The following PCSK2 variants were observed in gnomAD, a reference collection of about 807,000 sequenced individuals.
PCSK2 encodes neuroendocrine convertase 2.
Under a neutral mutation model 69.7 loss-of-function variants are expected in PCSK2, and 14 were observed. That is an observed-to-expected ratio of 0.20 (90% CI 0.13 to 0.31). The LOEUF is 0.31. Ranked by LOEUF, PCSK2 falls within the 10% of genes least tolerant of loss-of-function variation. The pLI is 1.00. For missense variants in PCSK2, 544 were observed against 842.5 expected, an observed-to-expected ratio of 0.65 and a Z score of 4.39; for synonymous variants, 307 against 320.7, an observed-to-expected ratio of 0.96 and a Z score of 0.46.
chr20:17,453,330 G>A lies in PCSK2; in HGVS notation c.886-412G>A, dbSNP rs1396821699. On this transcript the variant is annotated intron_variant, in intron 8 of 11. Coordinates refer to ENST00000262545, the MANE Select transcript of PCSK2 (RefSeq NM_002594.5). The surrounding 1 kb of genome is among the most constrained non-coding windows in gnomAD (Gnocchi z 4.0). ...TATACTTGCATTTTCACTAAAAAAT[G>A]TCTGATACATAAAGAGATGTAAGAA... Among the ~76,000 whole-genome samples, 2 of 152,138 alleles carry A rather than the reference G, an allele frequency of 1.3e-5. No individual in the cohort carries two copies. The highest frequency in any genetic ancestry group is 2.9e-5 in the Non-Finnish European group (2 of 68,016).
intron 6 of PCSK2, among the ~76,000 whole-genome samples, chr20:17,411,834 C>T (rs2031881501): frequency 6.6e-6 from 1 of 152,228 alleles, no homozygotes; most frequent in Non-Finnish European, 1.5e-5. Flanking sequence ...GATCAGGCAG[C>T]AATATTTGCT....
In PCSK2 at chr20:17,331,774, A is replaced by G. The variant is rs116591977; in HGVS notation, c.283-26553A>G. On this transcript the variant is annotated intron_variant, in intron 2 of 11. Transcript: ENST00000262545. The stretch of plus-strand genomic sequence containing the variant: ...CCCATCATCTCGTGTGATTAAAAAA[A>G]AAAAAACCTCTGAGGTTGGCAGAAG... Among the ~76,000 whole-genome samples the G allele has an allele frequency of 5.3e-3, 814 of 152,230 alleles. 8 individuals carry two copies. The highest frequency in any genetic ancestry group is 0.018 in the African/African-American group (765 of 41,542).
At chr20:17,232,356 T>C (rs1051768763) in intron 1 of PCSK2, among the ~76,000 whole-genome samples, 5 of 152,220 alleles carry the variant, frequency 3.3e-5, no homozygotes, top group South Asian at 4.1e-4. Flanking sequence ...TTTACATCTG[T>C]TTTCTTTTAG....
At chr20:17,422,719 C>T (rs1297528757) in intron 6 of PCSK2, among the ~76,000 whole-genome samples, 3 of 151,898 alleles carry the variant, frequency 2.0e-5, no homozygotes, top group Non-Finnish European at 2.9e-5. Flanking sequence ...GAAGCTTTGC[C>T]GACCGGATAC....
chr20:17,276,781 C>T (rs1022289980), intron 2 of PCSK2, among the ~76,000 whole-genome samples: 1 of 152,098 alleles, frequency 6.6e-6, no homozygotes, highest in Admixed American at 6.6e-5. Context: ...TCAAATTGTC[C>T]CTGTTTGCAG....
At chr20:17,459,153 T>C (rs1016957622) in intron 10 of PCSK2, among the ~76,000 whole-genome samples, 2 of 152,174 alleles carry the variant, frequency 1.3e-5, no homozygotes, top group South Asian at 2.1e-4. Flanking sequence ...ATTCATTAGG[T>C]GTGGCTCCAT....
intron 2 of PCSK2, among the ~76,000 whole-genome samples, chr20:17,341,586 G>A (rs917719393): frequency 5.3e-5 from 8 of 152,108 alleles, no homozygotes; most frequent in Admixed American, 1.3e-4. Context: ...CTATTCAGCC[G>A]CACTGAATAG....
intron 5 of PCSK2, among the ~76,000 whole-genome samples, chr20:17,402,839 C>T (rs1447336054): frequency 6.6e-6 from 1 of 152,074 alleles, no homozygotes; most frequent in Non-Finnish European, 1.5e-5. Context: ...CTCCTGTAGT[C>T]CCAGCTACTC....
intron 11 of PCSK2, among the ~76,000 whole-genome samples, chr20:17,468,574 G>A (rs974358008): frequency 2.7e-4 from 38 of 140,592 alleles, no homozygotes; most frequent in Non-Finnish European, 4.8e-4. Context: ...GCGTCCTGCT[G>A]TAGACGGGCA....
intron 6 of PCSK2, among the ~76,000 whole-genome samples, chr20:17,413,271 T>G (rs1310299489): frequency 2.6e-5 from 4 of 152,198 alleles, no homozygotes; most frequent in African/African-American, 9.7e-5. Flanking sequence ...ATCAGTGTGC[T>G]GTATTCAGGA....
chr20:17,467,064 G>A (rs1362884966), intron 11 of PCSK2, among the ~76,000 whole-genome samples: 1 of 152,088 alleles, frequency 6.6e-6, no homozygotes, highest in African/African-American at 2.4e-5. Context: ...GAGGACCATC[G>A]AGCCTGGCCA....
chr20:17,476,935 C>T (rs2033301115), intron 11 of PCSK2, among the ~76,000 whole-genome samples: 1 of 152,214 alleles, frequency 6.6e-6, no homozygotes, highest in Non-Finnish European at 1.5e-5. Context: ...AAAGACCAAC[C>T]CCACCATCAC....
At position 17,482,166 on chromosome 20, in the gene PCSK2, G is replaced by C; in HGVS notation, c.*96G>C. 1.8e-6 allele frequency: 2 copies of C among 1,133,644 alleles called. No homozygotes were observed. The highest frequency in any genetic ancestry group is 2.4e-6 in the Non-Finnish European group (2 of 818,622). 70.2% of individuals were successfully genotyped at this position (1,133,644 alleles called of 1,614,324 possible). ...CAGGCACCTAGCAATTCCATCACCC[G>C]TACAGGCAATTCCGTCTTCTTAATC... On this transcript the variant is annotated 3_prime_UTR_variant, in exon 12 of 12. Coordinates refer to ENST00000262545, the MANE Select transcript of PCSK2 (RefSeq NM_002594.5).
intron 2 of PCSK2, among the ~76,000 whole-genome samples, chr20:17,315,264 T>C (rs895052695): frequency 6.6e-6 from 1 of 151,552 alleles, no homozygotes; most frequent in African/African-American, 2.4e-5. Context: ...AGTGTGTTGG[T>C]TGGGGATGTG....
chr20:17,362,227 T>G (rs2030419107), intron 4 of PCSK2, among the ~76,000 whole-genome samples: 1 of 152,218 alleles, frequency 6.6e-6, no homozygotes, highest in South Asian at 2.1e-4. Context: ...TCAGCAGAAT[T>G]TCTCATTTGA....
At chr20:17,457,828 G>A (rs1040940929) in intron 10 of PCSK2, among the ~76,000 whole-genome samples, 5 of 152,178 alleles carry the variant, frequency 3.3e-5, no homozygotes, top group Non-Finnish European at 5.9e-5. Flanking sequence ...AAGGGTTTCC[G>A]GTTGCCCTTT....
chr20:17,247,813 A>C (rs1986822022), intron 1 of PCSK2, among the ~76,000 whole-genome samples: 1 of 152,198 alleles, frequency 6.6e-6, no homozygotes, highest in Non-Finnish European at 1.5e-5. Flanking sequence ...AGAATTTAAC[A>C]CTTCTTTTTA....
chr20:17,461,602 C>G (rs1204827593), intron 10 of PCSK2, among the ~76,000 whole-genome samples: 1 of 152,232 alleles, frequency 6.6e-6, no homozygotes, highest in Non-Finnish European at 1.5e-5. Flanking sequence ...ACAGCATCAT[C>G]TTTAAAACAT....
In PCSK2 at chr20:17,409,356, G is replaced by T; in HGVS notation, c.620+17G>T. The T allele has an allele frequency of 6.3e-7, 1 of 1,580,522 alleles. No individual in the cohort carries two copies. On this transcript the variant is annotated intron_variant, in intron 6 of 11. Transcript: ENST00000262545. ...GTTTAACAGGTAAACTGGGCCTTGG[G>T]AGGTCTCTTTGACTTTAGGCTTTGG...
Sources: gnomAD v4.1 joint callset for allele counts (sites outside exome capture counted in the v4.1 genomes callset) on GRCh38, gnomAD v4.1.1 for gene constraint, Gnocchi (gnomAD v3.1) non-coding constraint, MANE v1.5 for transcripts, NCBI Gene and HGNC (gene_info 2026-07-23, HGNC 2026-07-21) for gene names.